Variants in ZBTB7C observed in about 807,000 individuals in gnomAD.
ZBTB7C encodes the protein zinc finger and BTB domain-containing protein 7C.
ZBTB7C carries 8 observed loss-of-function variants against 25.7 expected under a neutral mutation model. The observed-to-expected ratio is 0.31, with a 90% CI of 0.18 to 0.56. The LOEUF is 0.56. ZBTB7C is among the 20% of genes least tolerant of loss of function. The pLI is 0.91. For missense variants in ZBTB7C, 824 were observed against 855.2 expected, an observed-to-expected ratio of 0.96 and a Z score of 0.46; for synonymous variants, 394 against 369.0, an observed-to-expected ratio of 1.07 and a Z score of -0.78.
intron 1 of ZBTB7C, chr18:48,364,148 A>G (rs1350628716): frequency 6.6e-6 from 1 of 152,056 alleles, no homozygotes; most frequent in African/African-American, 2.4e-5. Flanking sequence ...TGTGCCCAAT[A>G]CTCACTTGTC....
chr18:48,281,145 T>C (rs1192907541), intron 2 of ZBTB7C, among the ~76,000 whole-genome samples: 2 of 152,114 alleles, frequency 1.3e-5, no homozygotes, highest in South Asian at 2.1e-4. Flanking sequence ...TGAGCCACCA[T>C]GTCTGGCTGT....
At chr18:48,187,127 G>A (rs1002546575) in intron 2 of ZBTB7C, among the ~76,000 whole-genome samples, 5 of 152,188 alleles carry the variant, frequency 3.3e-5, no homozygotes, top group Non-Finnish European at 5.9e-5. Flanking sequence ...GTGGCAAGCT[G>A]GCAATCTGCT....
In ZBTB7C at chr18:48,156,556, A is replaced by C. The variant is rs138852050; in HGVS notation, c.-17+29378T>G. Among the ~76,000 whole-genome samples the C allele has an allele frequency of 1.9e-3, 288 of 152,316 alleles. 3 individuals are homozygous for C. The highest frequency in any genetic ancestry group is 6.6e-3 in the African/African-American group (274 of 41,548). The stretch of plus-strand genomic sequence containing the variant: ...TGGCTGTGTCCTTGCCATGTATAAA[A>C]TACTACTCACTTTCCATTGGCCGAT... On this transcript the variant is annotated intron_variant, in intron 3 of 4. Coordinates refer to ENST00000590800, the MANE Select transcript of ZBTB7C (RefSeq NM_001318841.2).
rs34941038 is a variant in ZBTB7C at position 48,404,254 on chromosome 18, C to CAAA, written c.-304+4969_-304+4971dup. ...GTGACAAGAGTGAGAGACTCCATCT[C>CAAA]AAAAAAAAAAGAATATAGTCCAGGT... On this transcript the variant is annotated intron_variant, in intron 1 of 4. Transcript: ENST00000590800. Among the ~76,000 whole-genome samples, 970 of 147,490 alleles carry CAAA rather than the reference C, an allele frequency of 6.6e-3. 11 individuals carry two copies. The highest frequency in any genetic ancestry group is 0.022 in the African/African-American group (881 of 40,238).
chr18:48,092,897 C>A (rs1202762647), intron 3 of ZBTB7C, among the ~76,000 whole-genome samples: 1 of 152,216 alleles, frequency 6.6e-6, no homozygotes, highest in African/African-American at 2.4e-5. Context: ...ATAGATCAAA[C>A]TTTTGCTGAG....
At chr18:48,148,506 A>T (rs922840896) in intron 3 of ZBTB7C, 23 of 152,302 alleles carry the variant, frequency 1.5e-4, no homozygotes, top group African/African-American at 5.5e-4. Context: ...GACTTGATGG[A>T]CCCAGTCTAC....
chr18:48,276,991 T>C (rs1444884110), intron 2 of ZBTB7C, among the ~76,000 whole-genome samples: 1 of 151,746 alleles, frequency 6.6e-6, no homozygotes, highest in Non-Finnish European at 1.5e-5. Flanking sequence ...ATGATTGCCA[T>C]TCTAACTGGT....
At position 48,236,158 on chromosome 18, in the gene ZBTB7C, T is replaced by G. The variant is rs2043372498; in HGVS notation, c.-78-50163A>C. On this transcript the variant is annotated intron_variant, in intron 2 of 4. Coordinates refer to ENST00000590800, the MANE Select transcript of ZBTB7C (RefSeq NM_001318841.2). ...CTGTATTCTGAATAATTTTTTCATA[T>G]CTACTCGTTAGTTCACTAAATATCT... Among the ~76,000 whole-genome samples the G allele has an allele frequency of 2.0e-5, 3 of 152,358 alleles. No individual in the cohort carries two copies. The South Asian group carries it at 6.2e-4, about 32-fold the overall frequency.
At chr18:48,145,864 T>G (rs1252610466) in intron 3 of ZBTB7C, among the ~76,000 whole-genome samples, 1 of 152,266 alleles carries the variant, frequency 6.6e-6, no homozygotes, top group Non-Finnish European at 1.5e-5. Context: ...GGCTTAAATA[T>G]TCCTTAAAAT....
intron 3 of ZBTB7C, among the ~76,000 whole-genome samples, chr18:48,154,818 C>T (rs62087433): frequency 0.35 from 53,950 of 152,078 alleles, 10,970 homozygotes; most frequent in East Asian, 0.53. Context: ...GCATCTGTGT[C>T]CTCTGATTAA....
chr18:48,218,124 G>A (rs931050479), intron 2 of ZBTB7C, among the ~76,000 whole-genome samples: 4 of 152,132 alleles, frequency 2.6e-5, no homozygotes, highest in Non-Finnish European at 5.9e-5. Context: ...CCAGGGTTCC[G>A]GGGTGGCTCA....
In ZBTB7C at chr18:48,347,005, G is replaced by A. The variant is rs1199052594; in HGVS notation, c.-303-8607C>T. On this transcript the variant is annotated intron_variant, in intron 1 of 4. Coordinates refer to ENST00000590800, the MANE Select transcript of ZBTB7C (RefSeq NM_001318841.2). ...TCACCATGTTGGTCAGGCTGGTCTC[G>A]AGCTCCTGACCTCATGATCCACAAG... 4.6e-5 allele frequency among the ~76,000 whole-genome samples: 7 copies of A among 151,404 alleles called. No homozygotes were observed. In the East Asian group the frequency reaches 7.8e-4, roughly 17 times the overall value.
At chr18:48,312,358 G>T (rs556858837) in intron 2 of ZBTB7C, among the ~76,000 whole-genome samples, 2 of 152,146 alleles carry the variant, frequency 1.3e-5, no homozygotes, top group Admixed American at 6.5e-5. Flanking sequence ...GGCCTTTGCT[G>T]GCCACCCCAC....
chr18:48,156,289 G>A (rs146804197), intron 3 of ZBTB7C, among the ~76,000 whole-genome samples: 244 of 152,342 alleles, frequency 1.6e-3, no homozygotes, highest in African/African-American at 5.4e-3. Context: ...GTACTAAGAT[G>A]CTGGCAGCCA....
intron 2 of ZBTB7C, among the ~76,000 whole-genome samples, chr18:48,299,020 C>T (rs1488172236): frequency 6.6e-6 from 1 of 152,196 alleles, no homozygotes; most frequent in Non-Finnish European, 1.5e-5. Flanking sequence ...GGCACAGACA[C>T]AAGCGCCCAG....
intron 2 of ZBTB7C, among the ~76,000 whole-genome samples, chr18:48,298,284 A>G (rs1399758999): frequency 6.6e-6 from 1 of 151,736 alleles, no homozygotes; most frequent in Non-Finnish European, 1.5e-5. Context: ...TGTCTCAAAA[A>G]AAAAAAAAAA....
At chr18:48,154,558 C>T (rs1352645214) in intron 3 of ZBTB7C, among the ~76,000 whole-genome samples, 1 of 152,214 alleles carries the variant, frequency 6.6e-6, no homozygotes, top group Non-Finnish European at 1.5e-5. Flanking sequence ...TTAACAGTCC[C>T]TTTGGGTCTG....
intron 2 of ZBTB7C, among the ~76,000 whole-genome samples, chr18:48,245,355 C>T (rs2043655206): frequency 6.6e-6 from 1 of 151,384 alleles, no homozygotes; most frequent in Non-Finnish European, 1.5e-5. Context: ...TAAAAGACTA[C>T]ACATTGGGTA....
intron 1 of ZBTB7C, among the ~76,000 whole-genome samples, chr18:48,351,426 C>T (rs367643332): frequency 6.6e-6 from 1 of 152,180 alleles, no homozygotes; most frequent in Non-Finnish European, 1.5e-5. Flanking sequence ...AACCAGCAAA[C>T]TTCTCCTCCC....
Sources: allele counts gnomAD v4.1 joint callset (sites outside exome capture counted in the v4.1 genomes callset), GRCh38; gene constraint gnomAD v4.1.1; transcripts MANE v1.5; gene names NCBI Gene and HGNC (gene_info 2026-07-23, HGNC 2026-07-21).